NKAIN3: variants seen among roughly 807,000 people sequenced by gnomAD.
NKAIN3 encodes the protein sodium/potassium-transporting ATPase subunit beta-1-interacting protein 3.
Under a neutral mutation model 30.2 loss-of-function variants are expected in NKAIN3, and 25 were observed. The observed-to-expected ratio is 0.83, with a 90% CI of 0.60 to 1.16. The LOEUF (loss-of-function observed/expected upper bound fraction) is 1.16, where lower values mean the gene tolerates loss of function less well. Ranked by LOEUF, NKAIN3 falls within the 50% of genes most tolerant of loss-of-function variation. NKAIN3 has a pLI of 0.00. For synonymous variants in NKAIN3, 91 were observed against 89.6 expected, an observed-to-expected ratio of 1.02 and a Z score of -0.09; for missense variants, 225 against 254.1, an observed-to-expected ratio of 0.89 and a Z score of 0.78.
Position 62,374,113 on chromosome 8 carries a change from CAAA to C in NKAIN3, c.54+125008_54+125010del, listed in dbSNP as rs66521184. Among the ~76,000 whole-genome samples the C allele has an allele frequency of 1.6e-4, 10 of 64,348 alleles. No homozygotes were observed. The South Asian group carries it at 2.4e-3, about 15-fold the overall frequency. 42.2% of individuals were successfully genotyped at this position (64,348 alleles called of 152,430 possible). A position where few individuals can be genotyped will look rare whatever the true frequency, so the allele number is the denominator to read the frequency against. On this transcript the variant is annotated intron_variant, in intron 1 of 6. Transcript: ENST00000623646. ...GGGTGACAGAGCGAGACTCCATCTC[CAAA>C]AAAAAAAAAAAAAAAAAAAAAGAGA... is the stretch of plus-strand genomic sequence containing the variant.
chr8:62,994,592 G>A (rs1445344211), intron 5 of NKAIN3, among the ~76,000 whole-genome samples: 1 of 152,124 alleles, frequency 6.6e-6, no homozygotes, highest in African/African-American at 2.4e-5. Context: ...TAAATGTTAT[G>A]GTCTTTAACC....
intron 3 of NKAIN3, among the ~76,000 whole-genome samples, chr8:62,596,130 T>G (rs1052616825): frequency 6.6e-6 from 1 of 152,056 alleles, no homozygotes; most frequent in African/African-American, 2.4e-5. Flanking sequence ...GGTGAAGGGT[T>G]TTAAGTAATT....
chr8:62,539,791 G>A (rs1435816778), intron 1 of NKAIN3, among the ~76,000 whole-genome samples: 3 of 152,134 alleles, frequency 2.0e-5, no homozygotes, highest in Non-Finnish European at 4.4e-5. Flanking sequence ...GTGTTGCCCA[G>A]GCTGGTCTCT....
intron 1 of NKAIN3, among the ~76,000 whole-genome samples, chr8:62,401,063 C>G (rs1803851926): frequency 1.5e-5 from 2 of 133,922 alleles, no homozygotes; most frequent in Non-Finnish European, 3.3e-5. Context: ...GCCAAGAACT[C>G]TTAGATTTTC....
At chr8:62,856,096 G>C (rs913692727) in intron 4 of NKAIN3, 7 of 709,276 alleles carry the variant, frequency 9.9e-6, no homozygotes, top group Non-Finnish European at 1.6e-5. Flanking sequence ...TCATCAAACT[G>C]TTTTAACTCT....
intron 4 of NKAIN3, among the ~76,000 whole-genome samples, chr8:62,895,383 C>T (rs1821401304): frequency 6.6e-6 from 1 of 152,202 alleles, no homozygotes; most frequent in Non-Finnish European, 1.5e-5. Flanking sequence ...GGAGCAGTCA[C>T]AAACCAGCAA....
chr8:62,579,712 C>T (rs780872059), intron 2 of NKAIN3, 36 bp downstream of exon 2: 1 of 1,255,090 alleles, frequency 8.0e-7, no homozygotes, highest in East Asian at 2.8e-5. Context: ...TTCATATAAA[C>T]AATTCAAAAT....
chr8:62,468,405 T>C (rs1806226142), intron 1 of NKAIN3, among the ~76,000 whole-genome samples: 1 of 152,104 alleles, frequency 6.6e-6, no homozygotes, highest in African/African-American at 2.4e-5. Context: ...ACCAGTTTTG[T>C]TGGAAGAGGA....
intron 1 of NKAIN3, among the ~76,000 whole-genome samples, chr8:62,513,746 A>G (rs886988547): frequency 6.6e-6 from 1 of 150,816 alleles, no homozygotes; most frequent in Admixed American, 6.6e-5. Flanking sequence ...TGGCGCACAC[A>G]TGTAGTCCCA....
rs551498880 is a variant in NKAIN3, at chr8:62,808,471, C to A, written c.471+61342C>A. Among the ~76,000 whole-genome samples the A allele has an allele frequency of 1.1e-4, 16 of 152,230 alleles. No individual in the cohort carries two copies. The East Asian group carries it at 1.4e-3, about 13-fold the overall frequency. Reference sequence around the variant, plus strand: ...GTAAGCATTCCCTATCAGGGGAAACCAGCCCCTGATATTTCAACGTAGGTT... The same window carrying A: ...GTAAGCATTCCCTATCAGGGGAAACAAGCCCCTGATATTTCAACGTAGGTT... On this transcript the variant is annotated intron_variant, in intron 4 of 6. Coordinates refer to ENST00000623646, the MANE Select transcript of NKAIN3 (RefSeq NM_001304533.3).
At chr8:62,954,913 T>C (rs1823380553) in intron 6 of NKAIN3, among the ~76,000 whole-genome samples, 2 of 152,214 alleles carry the variant, frequency 1.3e-5, no homozygotes, top group Admixed American at 6.5e-5. Context: ...CCTGATATGA[T>C]GGACTTGCTC....
chr8:62,414,192 C>T (rs1804356405), intron 1 of NKAIN3, among the ~76,000 whole-genome samples: 1 of 152,138 alleles, frequency 6.6e-6, no homozygotes, highest in Non-Finnish European at 1.5e-5. Flanking sequence ...GCCTTCAGTA[C>T]AGACTATATT....
chr8:62,802,659 C>G (rs1421532744), intron 4 of NKAIN3, among the ~76,000 whole-genome samples: 1 of 152,224 alleles, frequency 6.6e-6, no homozygotes, highest in African/African-American at 2.4e-5. Context: ...ACTGCAAAAT[C>G]ATGCCAAATT....
At chr8:62,643,351 G>A (rs1438738979) in intron 3 of NKAIN3, among the ~76,000 whole-genome samples, 1 of 152,096 alleles carries the variant, frequency 6.6e-6, no homozygotes, top group Admixed American at 6.6e-5. Flanking sequence ...CTGCAGGCTG[G>A]CCTCCCAAAG....
chr8:62,610,065 G>T (rs1159592940), intron 3 of NKAIN3, among the ~76,000 whole-genome samples: 1 of 152,122 alleles, frequency 6.6e-6, no homozygotes, highest in South Asian at 2.1e-4. Flanking sequence ...AAAGGTGGTG[G>T]CCAGGTGCAG....
rs145508014 is a variant in NKAIN3, at chr8:62,408,908, A to C, written c.54+159781A>C. Among the ~76,000 whole-genome samples the C allele has an allele frequency of 4.1e-4, 63 of 152,306 alleles. 1 individual carries two copies. The East Asian group carries it at 0.01, about 25-fold the overall frequency. Reference sequence around the variant, plus strand: ...ACTTAGACAAATCTAATTGTTAGAGAAACTGGGAGATGTAGTGTTTATTTT... The same window carrying C: ...ACTTAGACAAATCTAATTGTTAGAGCAACTGGGAGATGTAGTGTTTATTTT... On this transcript the variant is annotated intron_variant, in intron 1 of 6. Transcript: ENST00000623646.
At chr8:62,681,196 T>A (rs1265443771) in intron 3 of NKAIN3, among the ~76,000 whole-genome samples, 2 of 152,200 alleles carry the variant, frequency 1.3e-5, no homozygotes, top group African/African-American at 4.8e-5. Flanking sequence ...AAAAAGTGGA[T>A]AAAATGCTAA....
chr8:62,632,082 G>A (rs566790218), intron 3 of NKAIN3, among the ~76,000 whole-genome samples: 1 of 152,244 alleles, frequency 6.6e-6, no homozygotes, highest in South Asian at 2.1e-4. Flanking sequence ...TCACACCCAA[G>A]TGAACCCTGA....
chr8:62,421,063 A>C (rs16928883), intron 1 of NKAIN3, among the ~76,000 whole-genome samples: 21,274 of 152,124 alleles, frequency 0.14, 1,768 homozygotes, highest in East Asian at 0.41. Context: ...ACAACTTTGA[A>C]AAAGAAACAC....
Sources: allele counts gnomAD v4.1 joint callset (sites outside exome capture counted in the v4.1 genomes callset), GRCh38; gene constraint gnomAD v4.1.1; transcripts MANE v1.5; gene names NCBI Gene and HGNC (gene_info 2026-07-23, HGNC 2026-07-21).